The following HFM1 variants were observed in gnomAD, a reference collection of about 807,000 sequenced individuals.
HFM1 encodes the protein helicase for meiosis 1.
Under a neutral mutation model 192.1 loss-of-function variants are expected in HFM1, and 169 were observed. The observed-to-expected ratio is 0.88, with a 90% confidence interval of 0.78 to 1.00. The LOEUF (loss-of-function observed/expected upper bound fraction) is 1.00, where lower values mean the gene tolerates loss of function less well. Among genes scored for constraint, HFM1 ranks in the 50% least tolerant of loss-of-function variants. The pLI, the probability that HFM1 is intolerant of heterozygous loss-of-function variation, is 0.00. For missense variants in HFM1, 1,661 were observed against 1,668.0 expected, an observed-to-expected ratio of 1.00 and a Z score of 0.07; for synonymous variants, 525 against 537.8, an observed-to-expected ratio of 0.98 and a Z score of 0.33.
chr1:91,330,564 C>A (rs1447704617), intron 20 of HFM1, among the ~76,000 whole-genome samples: 2 of 152,192 alleles, frequency 1.3e-5, no homozygotes, highest in African/African-American at 4.8e-5. Flanking sequence ...CTGAATTCTA[C>A]CAAACATTTA....
chr1:91,404,247 C>G (rs1664619470), intron 1 of HFM1, among the ~76,000 whole-genome samples: 1 of 152,238 alleles, frequency 6.6e-6, no homozygotes, highest in South Asian at 2.1e-4. Context: ...GAATCAGCAC[C>G]TAAAGCAAAA....
intron 13 of HFM1, among the ~76,000 whole-genome samples, chr1:91,355,761 A>G (rs1657633833): frequency 6.6e-6 from 1 of 152,176 alleles, no homozygotes; most frequent in Non-Finnish European, 1.5e-5. Flanking sequence ...CAACAATACA[A>G]TAATAGGAGG....
intron 30 of HFM1, among the ~76,000 whole-genome samples, chr1:91,300,035 A>G (rs1178582473): frequency 1.3e-5 from 2 of 152,192 alleles, no homozygotes; most frequent in Non-Finnish European, 2.9e-5. Context: ...ATAGACCGCT[A>G]GCAAGACTAA....
chr1:91,367,069 C>T (rs935111789), intron 13 of HFM1, among the ~76,000 whole-genome samples: 14 of 152,248 alleles, frequency 9.2e-5, no homozygotes, highest in African/African-American at 2.9e-4. Context: ...GAGGGGCACC[C>T]GCCATTGCCG....
At chr1:91,352,797 T>C (rs1657133358) in intron 15 of HFM1, 146 bp from the exon 16 acceptor site, 1 of 656,148 alleles carries the variant, frequency 1.5e-6, no homozygotes, top group Non-Finnish European at 2.5e-6. Context: ...CAATCTAAAA[T>C]AGTAACACAC....
Position 91,324,686 on chromosome 1 carries a change from AG to A in HFM1, c.2415del (p.Leu806TyrfsTer7). 7.0e-7 allele frequency: 1 copy of A among 1,430,866 alleles called. No homozygotes were observed. Among genetic ancestry groups the A allele is most frequent in the Non-Finnish European group, 9.9e-7 (1 of 1,014,574 alleles). The allele number at this position is 1,430,866 out of a possible 1,614,324, so 88.6% of individuals were successfully genotyped here. A position where few individuals can be genotyped will look rare whatever the true frequency, so the allele number is the denominator to read the frequency against. ...GAAAATTAATTTACCAGATCTGATAAGGTTTCTTTTCCACTGATTGTATAAA... is the reference window on the plus strand; with the variant it reads ...GAAAATTAATTTACCAGATCTGATAAGTTTCTTTTCCACTGATTGTATAAA... Reference protein sequence around the residue: ...KKFYTISGKETLSDLVTLIAG... With the variant: ...KKFYTISGKEXLSDLVTLIAG... On this transcript the variant is annotated frameshift_variant, in exon 21 of 39. Coordinates refer to ENST00000370425, the MANE Select transcript of HFM1 (RefSeq NM_001017975.6). LOFTEE classifies it high-confidence loss of function.
At chr1:91,381,541 C>G (rs374589306) in intron 6 of HFM1, among the ~76,000 whole-genome samples, 2 of 152,150 alleles carry the variant, frequency 1.3e-5, no homozygotes, top group Admixed American at 1.3e-4. Context: ...AATCATCCTT[C>G]CCCTGTAAGA....
At chr1:91,388,916 A>G (rs1002544754) in intron 4 of HFM1, among the ~76,000 whole-genome samples, 13 of 152,206 alleles carry the variant, frequency 8.5e-5, no homozygotes, top group Non-Finnish European at 1.6e-4. Context: ...TGTTATTGGG[A>G]ATAAAGAACT....
At chr1:91,363,584 T>C (rs1408143822) in intron 13 of HFM1, among the ~76,000 whole-genome samples, 2 of 151,124 alleles carry the variant, frequency 1.3e-5, no homozygotes, top group Non-Finnish European at 2.9e-5. Context: ...TTTTACACTG[T>C]TTGTAGTGTA....
chr1:91,337,037 A>G (rs554855797), intron 20 of HFM1, among the ~76,000 whole-genome samples: 1 of 152,312 alleles, frequency 6.6e-6, no homozygotes, highest in Non-Finnish European at 1.5e-5. Context: ...CAATGAGAAC[A>G]CGTGGACGCG....
chr1:91,381,071 T>C (rs1048110796), intron 6 of HFM1, 89 bp from the exon 7 acceptor site: 2 of 659,622 alleles, frequency 3.0e-6, no homozygotes, highest in Admixed American at 5.0e-5. Context: ...ATATAGATTC[T>C]GACAATATTT....
At chr1:91,272,376 A>G (rs923919512) in intron 34 of HFM1, among the ~76,000 whole-genome samples, 29 of 152,078 alleles carry the variant, frequency 1.9e-4, no homozygotes, top group Non-Finnish European at 3.5e-4. Flanking sequence ...AACTTCTTAA[A>G]AAAAAAATGG....
At position 91,294,132 on chromosome 1, in the gene HFM1, T is replaced by C. The variant is rs930677446; in HGVS notation, c.3392-17070A>G. On this transcript the variant is annotated intron_variant, in intron 30 of 38. Transcript: ENST00000370425. ...AGTTAGTGGGTGCAGTGCACCAGCATGGCACATGTATACATATGTAACTAA... is the reference window on the plus strand; with the variant it reads ...AGTTAGTGGGTGCAGTGCACCAGCACGGCACATGTATACATATGTAACTAA... Among the ~76,000 whole-genome samples, 5 of 151,732 alleles carry C rather than the reference T, an allele frequency of 3.3e-5. No homozygotes were observed. In the South Asian group the frequency reaches 6.3e-4, roughly 19 times the overall value.
chr1:91,386,021 T>G (rs978918073), intron 4 of HFM1, among the ~76,000 whole-genome samples, 187 bp from the exon 5 acceptor site: 1 of 152,228 alleles, frequency 6.6e-6, no homozygotes, highest in African/African-American at 2.4e-5. Context: ...TCTACTTTCC[T>G]AAAACTCAGA....
rs1246882830 is a variant in HFM1 at position 91,323,165 on chromosome 1, T to G, written c.2462A>C (p.Asp821Ala). ...TLIAGCKEFL[D>A]IQLRINEKKT... Reference sequence around the variant, plus strand: ...CTTTTCATTTATCCTTAACTGTATATCTAGAAATTCCTTGCAGCCAGCTAT... The same window carrying G: ...CTTTTCATTTATCCTTAACTGTATAGCTAGAAATTCCTTGCAGCCAGCTAT... The change falls in exon 22 of 39, where the codon GAT becomes GCT. Residue 821 changes from aspartate to alanine, a missense_variant. Asp to Ala is a moderately radical substitution (Grantham distance 126). Coordinates refer to ENST00000370425, the MANE Select transcript of HFM1 (RefSeq NM_001017975.6). The G allele has an allele frequency of 6.3e-7, 1 of 1,590,118 alleles. No homozygotes were observed. The highest frequency in any genetic ancestry group is 8.6e-7 in the Non-Finnish European group (1 of 1,161,964).
intron 30 of HFM1, among the ~76,000 whole-genome samples, chr1:91,291,227 C>A (rs1289817726): frequency 6.6e-6 from 1 of 152,120 alleles, no homozygotes; most frequent in African/African-American, 2.4e-5. Flanking sequence ...GAAATAGAGA[C>A]ACAAAACACC....
chr1:91,316,013 T>G (rs142817087), intron 27 of HFM1, 41 bp from the exon 28 acceptor site: 2 of 1,505,204 alleles, frequency 1.3e-6, no homozygotes, highest in East Asian at 4.5e-5. Flanking sequence ...AAAAATAACC[T>G]TACTTCTCAT....
intron 11 of HFM1, among the ~76,000 whole-genome samples, chr1:91,376,665 A>C (rs989311416): frequency 6.6e-6 from 1 of 151,932 alleles, no homozygotes; most frequent in Admixed American, 6.6e-5. Flanking sequence ...TGATAAATAT[A>C]TTTAAAATTT....
intron 30 of HFM1, among the ~76,000 whole-genome samples, chr1:91,278,359 C>CG (rs1312800789): frequency 6.6e-6 from 1 of 151,620 alleles, no homozygotes; most frequent in African/African-American, 2.4e-5. Flanking sequence ...ACTAGTAGCA[C>CG]GGGGAAGGAG....
Sources: allele counts gnomAD v4.1 joint callset (sites outside exome capture counted in the v4.1 genomes callset), GRCh38; gene constraint gnomAD v4.1.1; transcripts MANE v1.5; gene names NCBI Gene and HGNC (gene_info 2026-07-23, HGNC 2026-07-21).